The following SLC24A3 variants were observed in gnomAD, a reference collection of about 807,000 sequenced individuals.
SLC24A3 encodes the protein solute carrier family 24 member 3.
Under a neutral mutation model 75.8 loss-of-function variants are expected in SLC24A3, and 28 were observed. That is an observed-to-expected ratio of 0.37 (90% CI 0.27 to 0.51). The LOEUF is 0.51. Among genes scored for constraint, SLC24A3 ranks in the 20% least tolerant of loss-of-function variants. The pLI is 0.94. For synonymous variants in SLC24A3, 372 were observed against 334.1 expected, an observed-to-expected ratio of 1.11 and a Z score of -1.24; for missense variants, 663 against 847.8, an observed-to-expected ratio of 0.78 and a Z score of 2.71.
At chr20:19,379,541 A>G (rs6112337) in intron 2 of SLC24A3, among the ~76,000 whole-genome samples, 14,096 of 152,140 alleles carry the variant, frequency 0.093, 2,185 homozygotes, top group African/African-American at 0.32. Flanking sequence ...GCTGCCAGTG[A>G]TCCTGGGGAA....
intron 2 of SLC24A3, among the ~76,000 whole-genome samples, chr20:19,357,939 A>G (rs1410967246): frequency 1.3e-5 from 2 of 152,214 alleles, no homozygotes; most frequent in South Asian, 2.1e-4. Flanking sequence ...GTTTTTGTAG[A>G]TATCGACTTC....
At chr20:19,376,757 C>T (rs6515000) in intron 2 of SLC24A3, among the ~76,000 whole-genome samples, 15,817 of 152,034 alleles carry the variant, frequency 0.1, 2,716 homozygotes, top group African/African-American at 0.36. Flanking sequence ...GTAGCGTTCA[C>T]GGCTGAGTTG....
chr20:19,475,719 T>C (rs930807682), intron 2 of SLC24A3, among the ~76,000 whole-genome samples: 1 of 152,214 alleles, frequency 6.6e-6, no homozygotes, highest in Non-Finnish European at 1.5e-5. Flanking sequence ...GTATGTGTTC[T>C]TGGGTGAAGG....
At chr20:19,548,702 C>G (rs2030644385) in intron 3 of SLC24A3, among the ~76,000 whole-genome samples, 1 of 152,180 alleles carries the variant, frequency 6.6e-6, no homozygotes, top group Non-Finnish European at 1.5e-5. Context: ...ACTCCCCTGA[C>G]TAGGTTGGAC....
chr20:19,379,636 C>T (rs2122370233), intron 2 of SLC24A3, among the ~76,000 whole-genome samples: 1 of 152,184 alleles, frequency 6.6e-6, no homozygotes, highest in South Asian at 2.1e-4. Context: ...CAGGGGTTGG[C>T]AGAATTAAGC....
chr20:19,369,992 A>G (rs1014382208), intron 2 of SLC24A3, among the ~76,000 whole-genome samples: 1 of 152,198 alleles, frequency 6.6e-6, no homozygotes, highest in Non-Finnish European at 1.5e-5. Context: ...CTTGACTGGG[A>G]TGTGGGTTAC....
At chr20:19,259,714 C>T (rs1982923805) in intron 1 of SLC24A3, among the ~76,000 whole-genome samples, 1 of 152,066 alleles carries the variant, frequency 6.6e-6, no homozygotes, top group Non-Finnish European at 1.5e-5. Context: ...CATTGTTTCT[C>T]CCCCAACATT....
At chr20:19,225,096 G>A (rs1216320654) in intron 1 of SLC24A3, among the ~76,000 whole-genome samples, 1 of 152,092 alleles carries the variant, frequency 6.6e-6, no homozygotes, top group Non-Finnish European at 1.5e-5. Context: ...CTTCTACCTG[G>A]GTTGTAACCT....
chr20:19,353,861 A>G (rs1435528191), intron 2 of SLC24A3, among the ~76,000 whole-genome samples: 1 of 152,216 alleles, frequency 6.6e-6, no homozygotes, highest in African/African-American at 2.4e-5. Flanking sequence ...ACTCTAATAT[A>G]TGGTTGATGG....
At chr20:19,259,462 T>C (rs753902281) in intron 1 of SLC24A3, among the ~76,000 whole-genome samples, 3 of 152,134 alleles carry the variant, frequency 2.0e-5, no homozygotes, top group Non-Finnish European at 4.4e-5. Context: ...TTAATCATAG[T>C]AGAAACAGTC....
chr20:19,408,996 A>G (rs1331173519), intron 2 of SLC24A3, among the ~76,000 whole-genome samples: 3 of 152,180 alleles, frequency 2.0e-5, no homozygotes, highest in Non-Finnish European at 2.9e-5. Context: ...CATGAGAAAT[A>G]GTTTGGCTAA....
At chr20:19,653,683 T>C (rs911310640) in intron 6 of SLC24A3, among the ~76,000 whole-genome samples, 4 of 152,134 alleles carry the variant, frequency 2.6e-5, no homozygotes, top group African/African-American at 7.2e-5. Context: ...CAACTTTGCA[T>C]TGAGGGTTCC....
chr20:19,285,375 G>A (rs1219401052), intron 2 of SLC24A3, among the ~76,000 whole-genome samples: 2 of 150,384 alleles, frequency 1.3e-5, no homozygotes, highest in Admixed American at 1.3e-4. Context: ...CTACTTGGGG[G>A]GCTGAGGTGG....
chr20:19,474,735 G>T (rs1176368289), intron 2 of SLC24A3, among the ~76,000 whole-genome samples: 1 of 152,118 alleles, frequency 6.6e-6, no homozygotes, highest in Admixed American at 6.5e-5. Context: ...TGTGTGTGTG[G>T]TAAGAACATT....
At chr20:19,368,696 C>A (rs978947355) in intron 2 of SLC24A3, among the ~76,000 whole-genome samples, 10 of 152,208 alleles carry the variant, frequency 6.6e-5, no homozygotes, top group Non-Finnish European at 1.2e-4. Context: ...GGCCCCAATA[C>A]CCAGCAGTGT....
intron 3 of SLC24A3, among the ~76,000 whole-genome samples, chr20:19,545,975 C>G (rs1390852024): frequency 2.0e-5 from 3 of 151,530 alleles, no homozygotes; most frequent in African/African-American, 7.3e-5. Flanking sequence ...TTGACTAACA[C>G]GTTGAAACCC....
intron 2 of SLC24A3, among the ~76,000 whole-genome samples, chr20:19,346,017 A>G (rs1985387826): frequency 7.4e-6 from 1 of 135,246 alleles, no homozygotes; most frequent in Non-Finnish European, 1.5e-5. Flanking sequence ...CAATTGCAAA[A>G]ATATGCACCC....
chr20:19,414,156 T>C (rs897485992), intron 2 of SLC24A3, among the ~76,000 whole-genome samples: 14 of 152,134 alleles, frequency 9.2e-5, no homozygotes, highest in Admixed American at 7.2e-4. Context: ...TCTAAAATGA[T>C]GGTCGAAGAA....
chr20:19,533,610 T>C (rs539809292), intron 3 of SLC24A3, among the ~76,000 whole-genome samples: 1 of 152,234 alleles, frequency 6.6e-6, no homozygotes, highest in South Asian at 2.1e-4. Flanking sequence ...CAAGCACCTG[T>C]GCTTATAAAT....
Sources: allele counts gnomAD v4.1 joint callset (sites outside exome capture counted in the v4.1 genomes callset), GRCh38; gene constraint gnomAD v4.1.1; transcripts MANE v1.5; gene names NCBI Gene and HGNC (gene_info 2026-07-23, HGNC 2026-07-21).